MNAT1: variants seen among roughly 807,000 people sequenced by gnomAD.
The protein encoded by MNAT1 is CDK-activating kinase assembly factor MAT1.
Under a neutral mutation model 42.0 loss-of-function variants are expected in MNAT1, and 43 were observed. The ratio of observed to expected loss-of-function variants is 1.02; its 90% CI spans 0.80 to 1.32. The LOEUF (loss-of-function observed/expected upper bound fraction) is 1.32. Ranked by LOEUF, MNAT1 falls within the 40% of genes most tolerant of loss-of-function variation. The pLI is 0.00. For missense variants in MNAT1, 306 were observed against 350.4 expected, an observed-to-expected ratio of 0.87 and a Z score of 1.01; for synonymous variants, 118 against 120.0, an observed-to-expected ratio of 0.98 and a Z score of 0.11.
intron 6 of MNAT1, among the ~76,000 whole-genome samples, chr14:60,854,968 G>C (rs1392397265): frequency 6.6e-6 from 1 of 152,196 alleles, no homozygotes; most frequent in Non-Finnish European, 1.5e-5. Context: ...GGTTTTGTCT[G>C]TAAGCCCCTG....
chr14:60,959,347 A>C (rs561701814), intron 7 of MNAT1, among the ~76,000 whole-genome samples: 1 of 152,308 alleles, frequency 6.6e-6, no homozygotes, highest in South Asian at 2.1e-4. Context: ...ACTAAGGATA[A>C]TAATGATTTC....
intron 1 of MNAT1, among the ~76,000 whole-genome samples, chr14:60,787,246 A>G (rs1308222086): frequency 6.6e-6 from 1 of 152,208 alleles, no homozygotes; most frequent in African/African-American, 2.4e-5. Context: ...GTGTCACACA[A>G]ACTTTTTGAT....
chr14:60,768,442 A>G (rs2030923508), intron 1 of MNAT1, among the ~76,000 whole-genome samples: 1 of 152,208 alleles, frequency 6.6e-6, no homozygotes, highest in Non-Finnish European at 1.5e-5. Flanking sequence ...TATGTTCTAC[A>G]GAAACACAAG....
chr14:60,865,666 A>G (rs2034187483), intron 6 of MNAT1, among the ~76,000 whole-genome samples: 1 of 152,136 alleles, frequency 6.6e-6, no homozygotes, highest in East Asian at 1.9e-4. Flanking sequence ...TCAACATTGT[A>G]TCACATTTAT....
intron 6 of MNAT1, among the ~76,000 whole-genome samples, chr14:60,872,437 G>C (rs2034345831): frequency 6.6e-6 from 1 of 151,988 alleles, no homozygotes; most frequent in Admixed American, 6.6e-5. Context: ...CTGTTAATCA[G>C]CTCTCTCTGG....
chr14:60,857,458 C>G (rs1225329282), intron 6 of MNAT1, among the ~76,000 whole-genome samples: 1 of 152,082 alleles, frequency 6.6e-6, no homozygotes, highest in Non-Finnish European at 1.5e-5. Flanking sequence ...TAGGGATGAG[C>G]AAAGAAAGTG....
intron 6 of MNAT1, among the ~76,000 whole-genome samples, chr14:60,831,839 A>G (rs1039927841): frequency 5.3e-5 from 8 of 151,940 alleles, no homozygotes; most frequent in Non-Finnish European, 1.0e-4. Flanking sequence ...TCTAGCATCT[A>G]TTGTTTCCTG....
At chr14:60,800,401 G>T (rs1368289867) in intron 3 of MNAT1, among the ~76,000 whole-genome samples, 1 of 152,016 alleles carries the variant, frequency 6.6e-6, no homozygotes, top group Non-Finnish European at 1.5e-5. Context: ...AAAAGTAGCT[G>T]GGTGTAGTGG....
chr14:60,843,165 T>C (rs996310738), intron 6 of MNAT1, among the ~76,000 whole-genome samples: 2 of 152,214 alleles, frequency 1.3e-5, no homozygotes, highest in African/African-American at 2.4e-5. Flanking sequence ...TTGTCAATCT[T>C]TTTAATTTTA....
chr14:60,918,645 C>G (rs577801123), intron 7 of MNAT1, among the ~76,000 whole-genome samples: 1 of 151,580 alleles, frequency 6.6e-6, no homozygotes, highest in South Asian at 2.1e-4. Context: ...GATGTTGACA[C>G]ACGTACTTTT....
chr14:60,796,148 C>A, intron 1 of MNAT1, 69 bp from the exon 2 acceptor site: 8 of 1,414,126 alleles, frequency 5.7e-6, no homozygotes, highest in Non-Finnish European at 7.6e-6. Flanking sequence ...CCCATAGGGG[C>A]AAACTATTCA....
rs79145041 is a variant in MNAT1 at position 60,899,659 on chromosome 14, T to C, written c.809+19824T>C. Among the ~76,000 whole-genome samples, 471 of 152,294 alleles carry C rather than the reference T, an allele frequency of 3.1e-3. 1 individual carries two copies. Among genetic ancestry groups the C allele is most frequent in the African/African-American group, 0.011 (448 of 41,572 alleles). On this transcript the variant is annotated intron_variant, in intron 7 of 7. Coordinates refer to ENST00000261245, the MANE Select transcript of MNAT1 (RefSeq NM_002431.4). ...TAAAAACCAACTTGCTGAGCAAAAGTAATTGATTATCACAAATCTATTACT... is the reference window on the plus strand; with the variant it reads ...TAAAAACCAACTTGCTGAGCAAAAGCAATTGATTATCACAAATCTATTACT...
intron 6 of MNAT1, among the ~76,000 whole-genome samples, chr14:60,828,597 C>T (rs1166959907): frequency 6.6e-6 from 1 of 151,680 alleles, no homozygotes; most frequent in African/African-American, 2.4e-5. Context: ...CTGCAGCAGA[C>T]ACCAATAGGA....
At chr14:60,821,965 T>A (rs908065994) in intron 6 of MNAT1, among the ~76,000 whole-genome samples, 2 of 152,206 alleles carry the variant, frequency 1.3e-5, no homozygotes, top group Non-Finnish European at 2.9e-5. Flanking sequence ...AATAAAAAAA[T>A]TGTTTTTATA....
rs568978287 is a variant in MNAT1 at position 60,882,343 on chromosome 14, T to C, written c.809+2508T>C. Among the ~76,000 whole-genome samples, 37 of 152,318 alleles carry C rather than the reference T, an allele frequency of 2.4e-4. No homozygotes were observed. The South Asian group carries it at 3.1e-3, about 13-fold the overall frequency. Reference sequence around the variant, plus strand: ...TGGGAACATGCTAAGTTTGTCTTTCTGTGCCTGGCTTATTTCACTTAACAT... The same window carrying C: ...TGGGAACATGCTAAGTTTGTCTTTCCGTGCCTGGCTTATTTCACTTAACAT... On this transcript the variant is annotated intron_variant, in intron 7 of 7. Coordinates refer to ENST00000261245, the MANE Select transcript of MNAT1 (RefSeq NM_002431.4).
intron 6 of MNAT1, among the ~76,000 whole-genome samples, chr14:60,876,565 A>C (rs966734608): frequency 1.3e-5 from 2 of 151,998 alleles, no homozygotes; most frequent in Admixed American, 6.6e-5. Flanking sequence ...TGTACCCATG[A>C]AACACTAACT....
chr14:60,841,124 T>TCTCTCTCTCTTTCTCTCTCTCC (rs1229544327), intron 6 of MNAT1, among the ~76,000 whole-genome samples: 30 of 151,998 alleles, frequency 2.0e-4, no homozygotes, highest in African/African-American at 6.5e-4. Flanking sequence ...ACTGATTCTC[T>TCTCTCTCTCTTTCTCTCTCTCC]CTCTCTCTCT....
At chr14:60,935,260 TC>T (rs1051768274) in intron 7 of MNAT1, among the ~76,000 whole-genome samples, 42 of 151,282 alleles carry the variant, frequency 2.8e-4, no homozygotes, top group Admixed American at 2.6e-3. Context: ...CCCACCTCTC[TC>T]CCCCTCTCTT....
intron 6 of MNAT1, among the ~76,000 whole-genome samples, chr14:60,834,019 A>G (rs1330544765): frequency 2.0e-5 from 3 of 152,270 alleles, no homozygotes; most frequent in African/African-American, 7.2e-5. Flanking sequence ...ATCAGTGGTG[A>G]CATTCTCTTC....
Sources: gnomAD v4.1 joint callset for allele counts (sites outside exome capture counted in the v4.1 genomes callset) on GRCh38, gnomAD v4.1.1 for gene constraint, MANE v1.5 for transcripts, NCBI Gene and HGNC (gene_info 2026-07-23, HGNC 2026-07-21) for gene names.